Variants in NOC3L observed in about 807,000 individuals in gnomAD.
The protein encoded by NOC3L is NOC3 like DNA replication regulator, also known as nucleolar complex protein 3 homolog.
In NOC3L, 85 loss-of-function variants were observed where a neutral mutation model predicts 102.5. That is an observed-to-expected ratio of 0.83 (90% CI 0.70 to 0.99). NOC3L has a LOEUF of 0.99. Among genes scored for constraint, NOC3L ranks in the 50% least tolerant of loss-of-function variants. The pLI is 0.00. For synonymous variants in NOC3L, 303 were observed against 309.4 expected, an observed-to-expected ratio of 0.98 and a Z score of 0.22; for missense variants, 878 against 914.9, an observed-to-expected ratio of 0.96 and a Z score of 0.52.
chr10:94,322,300 G>A, the NOC3L span, among the ~76,000 whole-genome samples: 2 of 151,898 alleles, frequency 1.3e-5, no homozygotes, highest in Non-Finnish European at 2.9e-5. Flanking sequence ...GCTGCAGTGA[G>A]CTATGACTGG....
chr10:94,347,031 T>C (rs2054352655), intron 10 of NOC3L, among the ~76,000 whole-genome samples: 1 of 152,162 alleles, frequency 6.6e-6, no homozygotes, highest in Admixed American at 6.6e-5. Context: ...CTTTATGCCA[T>C]TCAAAAATTC....
intron 11 of NOC3L, 42 bp downstream of exon 11, chr10:94,346,383 A>C: frequency 7.2e-7 from 1 of 1,395,548 alleles, no homozygotes; most frequent in South Asian, 1.4e-5. Flanking sequence ...AGATCAAATA[A>C]ACAGAAAATT....
chr10:94,352,783 C>T, intron 7 of NOC3L, 113 bp downstream of exon 7: 1 of 877,654 alleles, frequency 1.1e-6, no homozygotes, highest in South Asian at 1.5e-5. Flanking sequence ...GATCACGCCA[C>T]TGCACTCTAG....
chr10:94,360,264 C>T (rs1460451449), intron 2 of NOC3L, among the ~76,000 whole-genome samples: 2 of 151,850 alleles, frequency 1.3e-5, no homozygotes, highest in Non-Finnish European at 2.9e-5. Flanking sequence ...TGCAGTGAGC[C>T]GGGATCGTGC....
In NOC3L at chr10:94,341,687, G is replaced by C; in HGVS notation, c.1630C>G (p.Leu544Val). Residue 544 changes from leucine to valine, a missense_variant, in exon 14 of 21, where the codon CTC (leucine) becomes GTC (valine). Physicochemically the swap from Leu to Val is conservative, Grantham distance 32. Transcript: ENST00000371361. ...TTATTACTTACACCAGACTCAATGA[G>C]AGTATGAAGAACTACTAACAGATCA... ...FDDLLVVLHTLIESGDLSYQE... is the reference protein window; with the variant it reads ...FDDLLVVLHTVIESGDLSYQE... 4.6e-6 allele frequency: 7 copies of C among 1,532,990 alleles called. No individual in the cohort carries two copies. Among genetic ancestry groups the C allele is most frequent in the Non-Finnish European group, 6.2e-6 (7 of 1,129,172 alleles). 95.0% of individuals were successfully genotyped at this position (1,532,990 alleles called of 1,614,324 possible). A position where few individuals can be genotyped will look rare whatever the true frequency, so the allele number is the denominator to read the frequency against.
At chr10:94,328,428 C>T (rs921026809), downstream of NOC3L, 1 of 152,744 alleles carries the variant, frequency 6.5e-6, no homozygotes, top group Non-Finnish European at 1.5e-5. Context: ...GTCACAAATA[C>T]TCTTGTTTTG....
chr10:94,320,913 T>C, the NOC3L span, among the ~76,000 whole-genome samples: 1 of 152,212 alleles, frequency 6.6e-6, no homozygotes, highest in Admixed American at 6.5e-5. Flanking sequence ...GTGGGGTATT[T>C]TGTGGCGAAT....
Position 94,340,145 on chromosome 10 carries a change from C to T in NOC3L, c.1780+131G>A, listed in dbSNP as rs1036216364. ...TCCAAGTCTTACATAAGATTAAATACAGATGCATGGCACTGGAAAGTCACC... is the reference window on the plus strand; with the variant it reads ...TCCAAGTCTTACATAAGATTAAATATAGATGCATGGCACTGGAAAGTCACC... On this transcript the variant is annotated intron_variant, in intron 16 of 20. Coordinates refer to ENST00000371361, the MANE Select transcript of NOC3L (RefSeq NM_022451.11). 2.1e-5 allele frequency: 17 copies of T among 817,538 alleles called. 1 individual carries two copies. The African/African-American group carries it at 3.0e-4, about 14-fold the overall frequency. The allele number at this position is 817,538 out of a possible 1,614,324, so 50.6% of individuals were successfully genotyped here. A position where few individuals can be genotyped will look rare whatever the true frequency, so the allele number is the denominator to read the frequency against.
chr10:94,341,675 C>T lies in NOC3L; in HGVS notation c.1642G>A (p.Gly548Ser). 6.8e-7 allele frequency: 1 copy of T among 1,471,454 alleles called. No homozygotes were observed. Among genetic ancestry groups the T allele is most frequent in the Non-Finnish European group, 9.2e-7 (1 of 1,086,634 alleles). The allele number at this position is 1,471,454 out of a possible 1,614,324, so 91.1% of individuals were successfully genotyped here. A position where few individuals can be genotyped will look rare whatever the true frequency, so the allele number is the denominator to read the frequency against. Reference sequence around the variant, plus strand: ...AAAAATAATTTATTATTACTTACACCAGACTCAATGAGAGTATGAAGAACT... The same window carrying T: ...AAAAATAATTTATTATTACTTACACTAGACTCAATGAGAGTATGAAGAACT... ...LVVLHTLIES[G>S]DLSYQESLHC... Residue 548 changes from glycine to serine, a missense_variant and splice_region_variant, in exon 14 of 21, where the codon GGT (glycine) becomes AGT (serine). Gly to Ser is a moderately conservative substitution (Grantham distance 56). Coordinates refer to ENST00000371361, the MANE Select transcript of NOC3L (RefSeq NM_022451.11).
At chr10:94,320,012 A>C in the NOC3L span, among the ~76,000 whole-genome samples, 276 of 151,992 alleles carry the variant, frequency 1.8e-3, 1 homozygote, top group Admixed American at 3.4e-3. Context: ...CTCTCTTAAA[A>C]ATAAAGCTTA....
rs529288090 is a variant in NOC3L, at chr10:94,351,461, C to A, written c.952+849G>T. ...CTGAAGAGTTTAAGAGTTTATCATC[C>A]CAAATAATTGACTCATAAATCCATT... On this transcript the variant is annotated intron_variant, in intron 8 of 20. Transcript: ENST00000371361. Among the ~76,000 whole-genome samples the A allele has an allele frequency of 9.5e-4, 145 of 152,270 alleles. 1 individual carries two copies. Among genetic ancestry groups the A allele is most frequent in the African/African-American group, 3.4e-3 (141 of 41,546 alleles).
At chr10:94,361,377 T>C (rs2054549476) in intron 2 of NOC3L, 2 of 387,720 alleles carry the variant, frequency 5.2e-6, no homozygotes, top group Non-Finnish European at 9.2e-6. Context: ...CCAATATTTA[T>C]GTAACGGAGT....
chr10:94,334,314 ATATT>A lies in NOC3L; in HGVS notation c.2275-13_2275-10del. Reference sequence around the variant, plus strand: ...CCTTGTAAAAATTTACCCTAGGAAAATATTTAAAGTATGAGTTAGAAGTTACTTA... The same window carrying A: ...CCTTGTAAAAATTTACCCTAGGAAAATAAAGTATGAGTTAGAAGTTACTTA... On this transcript the variant is annotated splice_polypyrimidine_tract_variant and intron_variant, in intron 20 of 20. Transcript: ENST00000371361. 1 of 1,553,072 alleles carries A rather than the reference ATATT, an allele frequency of 6.4e-7. No homozygotes were observed. Among genetic ancestry groups the A allele is most frequent in the Non-Finnish European group, 8.9e-7 (1 of 1,129,924 alleles).
chr10:94,357,862 C>A, intron 3 of NOC3L: 1 of 502,510 alleles, frequency 2.0e-6, no homozygotes, highest in Non-Finnish European at 3.5e-6. Context: ...CCCCCATTCA[C>A]TCTACTTGAC....
Position 94,357,378 on chromosome 10 carries a change from A to G in NOC3L, c.351-47T>C, listed in dbSNP as rs201867914. ...ATTTTCAGTCTTAATAGATCTAAAA[A>G]GTTATCTAGAGACCTATCATTTCAA... On this transcript the variant is annotated intron_variant, in intron 3 of 20. Transcript: ENST00000371361. 1.7e-4 allele frequency: 250 copies of G among 1,447,336 alleles called. 1 individual carries two copies. The highest frequency in any genetic ancestry group is 2.2e-4 in the Non-Finnish European group (239 of 1,094,720). 89.7% of individuals were successfully genotyped at this position (1,447,336 alleles called of 1,614,324 possible).
At chr10:94,320,572 T>A in the NOC3L span, among the ~76,000 whole-genome samples, 1 of 152,188 alleles carries the variant, frequency 6.6e-6, no homozygotes, top group Non-Finnish European at 1.5e-5. Flanking sequence ...GTTAGTTAGT[T>A]AGCACCCATT....
At position 94,352,889 on chromosome 10, in the gene NOC3L, G is replaced by A. The variant is rs766053482; in HGVS notation, c.858+7C>T. The A allele has an allele frequency of 1.1e-5, 18 of 1,607,480 alleles. No homozygotes were observed. The Admixed American group carries it at 1.5e-4, about 14-fold the overall frequency. The stretch of plus-strand genomic sequence containing the variant: ...GATAGTAATTATATCTAGCAATCTA[G>A]CATTACCTTAGTAGATTTTTCTGCT... On this transcript the variant is annotated splice_region_variant and intron_variant, in intron 7 of 20. Transcript: ENST00000371361.
Position 94,357,206 on chromosome 10 carries a change from C to A in NOC3L, c.476G>T (p.Ser159Ile). The A allele has an allele frequency of 6.3e-7, 1 of 1,599,224 alleles. No homozygotes were observed. The highest frequency in any genetic ancestry group is 8.5e-7 in the Non-Finnish European group (1 of 1,172,806). Residue 159 changes from serine to isoleucine, a missense_variant, in exon 4 of 21, where the codon AGT (serine) becomes ATT (isoleucine). Coordinates refer to ENST00000371361, the MANE Select transcript of NOC3L (RefSeq NM_022451.11). ...LIHLLPIKDK[S>I]GIIPQTREKP... Reference sequence around the variant, plus strand: ...CTCCCTAGTCTGTGGGATTATACCACTTTTATCTTTGATAGGAAGTAAATG... The same window carrying A: ...CTCCCTAGTCTGTGGGATTATACCAATTTTATCTTTGATAGGAAGTAAATG...
chr10:94,327,991 T>TAAAG, the NOC3L span: 1 of 532,554 alleles, frequency 1.9e-6, no homozygotes, highest in South Asian at 1.4e-5. Flanking sequence ...AGCAAGAAGT[T>TAAAG]AAAGAGTGAA....
Sources: gnomAD v4.1 joint callset for allele counts (sites outside exome capture counted in the v4.1 genomes callset) on GRCh38, gnomAD v4.1.1 for gene constraint, MANE v1.5 for transcripts, NCBI Gene and HGNC (gene_info 2026-07-23, HGNC 2026-07-21) for gene names.